The following PCSK2 variants were observed in gnomAD, a reference collection of about 807,000 sequenced individuals.
PCSK2 encodes the protein neuroendocrine convertase 2.
PCSK2 carries 14 observed loss-of-function variants against 69.7 expected under a neutral mutation model. The observed-to-expected ratio is 0.20, with a 90% CI of 0.13 to 0.31. The LOEUF is 0.31. Among genes scored for constraint, PCSK2 ranks in the 10% least tolerant of loss-of-function variants. The pLI, the probability that PCSK2 is intolerant of heterozygous loss-of-function variation, is 1.00. For synonymous variants in PCSK2, 307 were observed against 320.7 expected (o/e 0.96, Z 0.46); for missense variants, 544 against 842.5 (o/e 0.65, Z 4.39).
At chr20:17,362,854 A>C (rs2030448196) in intron 4 of PCSK2, among the ~76,000 whole-genome samples, 1 of 152,248 alleles carries the variant, frequency 6.6e-6, no homozygotes, top group African/African-American at 2.4e-5. Flanking sequence ...ACTGTTGAAT[A>C]GCAAAATGAG....
At chr20:17,425,185 T>C (rs145450620) in intron 6 of PCSK2, among the ~76,000 whole-genome samples, 181 of 152,360 alleles carry the variant, frequency 1.2e-3, no homozygotes, top group African/African-American at 4.2e-3. Flanking sequence ...ACTGAAATTG[T>C]CTATATTTTT....
rs1399829524 is a variant in PCSK2, at chr20:17,397,186, A to G, written c.544-12077A>G. Among the ~76,000 whole-genome samples the G allele has an allele frequency of 2.0e-5, 3 of 152,342 alleles. No individual in the cohort carries two copies. The East Asian group carries it at 5.8e-4, about 29-fold the overall frequency. ...CAGAAAACATACATTGTTTCTTTCC[A>G]GGAAAAAGTCAGGTATAAAAATAAG... On this transcript the variant is annotated intron_variant, in intron 5 of 11. Transcript: ENST00000262545.
chr20:17,396,946 A>T (rs2031524645), intron 5 of PCSK2, among the ~76,000 whole-genome samples: 1 of 152,204 alleles, frequency 6.6e-6, no homozygotes, highest in Admixed American at 6.5e-5. Flanking sequence ...AGAATCGGCC[A>T]GTTCTAGGGC....
intron 8 of PCSK2, among the ~76,000 whole-genome samples, chr20:17,445,675 G>C (rs113562313): frequency 3.9e-5 from 6 of 152,216 alleles, no homozygotes; most frequent in African/African-American, 1.4e-4. Flanking sequence ...GCCACGGGTC[G>C]TACACCATGG....
At chr20:17,315,171 G>T in intron 2 of PCSK2, among the ~76,000 whole-genome samples, 1 of 152,048 alleles carries the variant, frequency 6.6e-6, no homozygotes. Flanking sequence ...ACTAATTCCC[G>T]CTCTGATGCC....
chr20:17,368,129 G>A (rs186424467), intron 4 of PCSK2, among the ~76,000 whole-genome samples: 1,943 of 152,262 alleles, frequency 0.013, 16 homozygotes, highest in Non-Finnish European at 0.019. Context: ...CTCTTTTGGG[G>A]AAGGCAAATC....
chr20:17,454,558 C>A (rs1264304585), intron 9 of PCSK2, among the ~76,000 whole-genome samples: 3 of 152,154 alleles, frequency 2.0e-5, no homozygotes, highest in Admixed American at 2.0e-4. Context: ...AAAAAAAAAT[C>A]TTCCTTTCTT....
intron 2 of PCSK2, among the ~76,000 whole-genome samples, chr20:17,338,857 C>T (rs1990431214): frequency 6.6e-6 from 1 of 152,158 alleles, no homozygotes; most frequent in African/African-American, 2.4e-5. Context: ...ACAATCTCAA[C>T]ACACTAGTGC....
intron 5 of PCSK2, among the ~76,000 whole-genome samples, chr20:17,398,894 T>C (rs548870221): frequency 3.7e-4 from 57 of 152,308 alleles, no homozygotes; most frequent in African/African-American, 1.2e-3. Flanking sequence ...GGAACCACTG[T>C]TAGTTGATAA....
At chr20:17,334,958 A>G (rs1990303693) in intron 2 of PCSK2, among the ~76,000 whole-genome samples, 1 of 152,248 alleles carries the variant, frequency 6.6e-6, no homozygotes, top group South Asian at 2.1e-4. Context: ...CCGGCAACTC[A>G]GAAATTGTGT....
At chr20:17,348,802 A>G (rs1034814147) in intron 2 of PCSK2, among the ~76,000 whole-genome samples, 1 of 152,196 alleles carries the variant, frequency 6.6e-6, no homozygotes, top group Admixed American at 6.5e-5. Context: ...ATATTGGATG[A>G]GACCCCACCC....
chr20:17,284,070 C>T (rs1988424816), intron 2 of PCSK2, among the ~76,000 whole-genome samples: 1 of 152,198 alleles, frequency 6.6e-6, no homozygotes, highest in Admixed American at 6.5e-5. Context: ...ATTGTTATAT[C>T]AACTCCACCC....
chr20:17,321,922 A>G (rs1989879992), intron 2 of PCSK2, among the ~76,000 whole-genome samples: 1 of 152,168 alleles, frequency 6.6e-6, no homozygotes, highest in African/African-American at 2.4e-5. Flanking sequence ...AGGAAGAAAA[A>G]TAAAAATTAT....
chr20:17,276,160 T>TA (rs963917896), intron 2 of PCSK2, among the ~76,000 whole-genome samples: 2 of 152,104 alleles, frequency 1.3e-5, no homozygotes, highest in Non-Finnish European at 1.5e-5. Context: ...CTACATACCA[T>TA]AAAAAAATTA....
chr20:17,329,248 T>C (rs1990148543), intron 2 of PCSK2, among the ~76,000 whole-genome samples: 2 of 152,158 alleles, frequency 1.3e-5, no homozygotes, highest in Admixed American at 1.3e-4. Context: ...AACCTAGCAG[T>C]ACATCACAAT....
At chr20:17,352,443 A>G (rs1383262256) in intron 2 of PCSK2, among the ~76,000 whole-genome samples, 2 of 152,360 alleles carry the variant, frequency 1.3e-5, no homozygotes, top group South Asian at 4.1e-4. Context: ...ACCCAATGTC[A>G]TATTATATTG....
intron 2 of PCSK2, among the ~76,000 whole-genome samples, chr20:17,291,898 A>G (rs1022103173): frequency 2.9e-4 from 44 of 152,196 alleles, no homozygotes; most frequent in Admixed American, 1.4e-3. Context: ...AGATCACAAA[A>G]TGACTGCTGA....
chr20:17,364,932 C>A (rs1156732056), intron 4 of PCSK2, among the ~76,000 whole-genome samples: 1 of 152,086 alleles, frequency 6.6e-6, no homozygotes, highest in Admixed American at 6.6e-5. Context: ...AAAAAGAGTG[C>A]CCACATATTG....
At chr20:17,468,057 G>T (rs926061994) in intron 11 of PCSK2, among the ~76,000 whole-genome samples, 1 of 146,096 alleles carries the variant, frequency 6.8e-6, no homozygotes, top group Non-Finnish European at 1.5e-5. Flanking sequence ...GCCTACCATA[G>T]GTAAGCATCC....
Sources: gnomAD v4.1 joint callset for allele counts (sites outside exome capture counted in the v4.1 genomes callset) on GRCh38, gnomAD v4.1.1 for gene constraint, MANE v1.5 for transcripts, NCBI Gene and HGNC (gene_info 2026-07-23, HGNC 2026-07-21) for gene names.